The following SMYD3 variants were observed in gnomAD, a reference collection of about 807,000 sequenced individuals.
The protein encoded by SMYD3 is histone-lysine N-methyltransferase SMYD3.
SMYD3 carries 36 observed loss-of-function variants against 57.7 expected under a neutral mutation model. The ratio of observed to expected loss-of-function variants is 0.62; its 90% CI spans 0.48 to 0.82. SMYD3 has a LOEUF of 0.82. Among genes scored for constraint, SMYD3 ranks in the 40% least tolerant of loss-of-function variants. SMYD3 has a pLI of 0.00. For synonymous variants in SMYD3, 211 were observed against 195.0 expected (o/e 1.08, Z -0.68); for missense variants, 515 against 538.8 (o/e 0.96, Z 0.44).
chr1:246,130,986 CA>C (rs1476581705), intron 5 of SMYD3, among the ~76,000 whole-genome samples: 2 of 152,178 alleles, frequency 1.3e-5, no homozygotes, highest in Non-Finnish European at 2.9e-5. Flanking sequence ...ACACTACACA[CA>C]CTCTATGCTC....
intron 1 of SMYD3, among the ~76,000 whole-genome samples, chr1:246,360,655 G>A (rs191755919): frequency 6.6e-6 from 1 of 152,228 alleles, no homozygotes; most frequent in Admixed American, 6.5e-5. Context: ...AATACTGACA[G>A]CTAACTGATC....
At chr1:245,995,203 AT>A (rs1490868446) in intron 5 of SMYD3, among the ~76,000 whole-genome samples, 1 of 152,254 alleles carries the variant, frequency 6.6e-6, no homozygotes, top group Non-Finnish European at 1.5e-5. Flanking sequence ...ACAAATTGTC[AT>A]GCTTGTTAAA....
At chr1:246,165,074 C>T (rs370798428) in intron 5 of SMYD3, among the ~76,000 whole-genome samples, 3 of 152,100 alleles carry the variant, frequency 2.0e-5, no homozygotes, top group East Asian at 3.9e-4. Flanking sequence ...ATGGTGTCAC[C>T]GAAGCCCAGG....
In SMYD3 at chr1:246,355,061, G is replaced by C. The variant is rs150745026; in HGVS notation, c.198C>G (p.Arg66=). The C allele has an allele frequency of 1.2e-6, 2 of 1,614,000 alleles. No individual in the cohort carries two copies. Among genetic ancestry groups the C allele is most frequent in the Non-Finnish European group, 1.7e-6 (2 of 1,180,030 alleles). ...KEKLMRCSQC[R]VAKYCSAKCQ... ...ACTTAGCACTACAGTATTTGGCGACGCGGCACTGAGAGCATCGCATCAGCT... is the reference window on the plus strand; with the variant it reads ...ACTTAGCACTACAGTATTTGGCGACCCGGCACTGAGAGCATCGCATCAGCT... Residue 66 remains arginine, a synonymous_variant, in exon 2 of 12, where the codon CGC becomes CGG. Coordinates refer to ENST00000490107, the MANE Select transcript of SMYD3 (RefSeq NM_001167740.2). The surrounding 1 kb of genome is among the most constrained non-coding windows in gnomAD (Gnocchi z 5.0).
intron 2 of SMYD3, among the ~76,000 whole-genome samples, chr1:246,335,803 A>T (rs189669081): frequency 3.1e-3 from 468 of 152,314 alleles, no homozygotes; most frequent in African/African-American, 0.01. Context: ...CTGATTAAAC[A>T]GGATTCAACA....
At chr1:245,791,252 T>C (rs1243341544) in intron 10 of SMYD3, among the ~76,000 whole-genome samples, 1 of 152,064 alleles carries the variant, frequency 6.6e-6, no homozygotes, top group Non-Finnish European at 1.5e-5. Flanking sequence ...ATAAAATCAG[T>C]TGGGGGAAAG....
chr1:245,814,870 A>G (rs374183110), intron 10 of SMYD3, among the ~76,000 whole-genome samples: 2 of 149,666 alleles, frequency 1.3e-5, no homozygotes, highest in Non-Finnish European at 2.9e-5. Context: ...AAGCACACAC[A>G]CACGCACGCA....
intron 1 of SMYD3, among the ~76,000 whole-genome samples, chr1:246,420,135 G>A (rs918402894): frequency 3.3e-5 from 5 of 151,848 alleles, no homozygotes; most frequent in African/African-American, 1.2e-4. Context: ...GGAGGTGGAG[G>A]TTGCAGTGAG....
At chr1:246,156,039 A>G (rs75367499) in intron 5 of SMYD3, among the ~76,000 whole-genome samples, 8,819 of 151,914 alleles carry the variant, frequency 0.058, 544 homozygotes, top group East Asian at 0.22. Flanking sequence ...CTTGAGCTAC[A>G]GAGTTCGAAG....
intron 5 of SMYD3, among the ~76,000 whole-genome samples, chr1:246,287,718 G>A (rs1022074905): frequency 2.0e-5 from 3 of 152,078 alleles, no homozygotes; most frequent in African/African-American, 4.8e-5. Context: ...ATCTGCCTAC[G>A]GGATATTCAG....
At chr1:245,920,402 T>G (rs1245461760) in intron 7 of SMYD3, among the ~76,000 whole-genome samples, 1 of 152,066 alleles carries the variant, frequency 6.6e-6, no homozygotes, top group East Asian at 1.9e-4. Flanking sequence ...GTTATGAATG[T>G]TTCTGTTAAT....
At chr1:245,958,586 C>T (rs1011828528) in intron 5 of SMYD3, among the ~76,000 whole-genome samples, 1 of 152,182 alleles carries the variant, frequency 6.6e-6, no homozygotes, top group Non-Finnish European at 1.5e-5. Flanking sequence ...TTAGGTTCTC[C>T]TCCTCCGTAG....
chr1:245,972,697 G>A (rs1197286244), intron 5 of SMYD3, among the ~76,000 whole-genome samples: 1 of 152,200 alleles, frequency 6.6e-6, no homozygotes, highest in Non-Finnish European at 1.5e-5. Flanking sequence ...ACTGCTTCTG[G>A]AGCTAAGCCT....
rs558841002 is a variant in SMYD3, at chr1:246,258,171, G to A, written c.531+69030C>T. Among the ~76,000 whole-genome samples the A allele has an allele frequency of 1.4e-4, 21 of 152,134 alleles. 2 individuals carry two copies. Among genetic ancestry groups the A allele is most frequent in the African/African-American group, 5.1e-4 (21 of 41,486 alleles). On this transcript the variant is annotated intron_variant, in intron 5 of 11. Transcript: ENST00000490107. ...CCTGCCTCAGCCTCCCGAGTAGCTG[G>A]GATTACAGGTGTGCACCACCACGCC...
intron 1 of SMYD3, among the ~76,000 whole-genome samples, chr1:246,439,757 G>A (rs952641983): frequency 3.3e-5 from 5 of 152,182 alleles, no homozygotes; most frequent in South Asian, 2.1e-4. Context: ...AGACCAGCCC[G>A]TGCAACGTGG....
intron 5 of SMYD3, among the ~76,000 whole-genome samples, chr1:245,963,190 T>C (rs1257501122): frequency 6.6e-6 from 1 of 152,186 alleles, no homozygotes; most frequent in Non-Finnish European, 1.5e-5. Context: ...TATATTAGCT[T>C]AATTTAATTA....
intron 1 of SMYD3, among the ~76,000 whole-genome samples, chr1:246,459,397 G>A (rs182118887): frequency 1.4e-4 from 21 of 150,384 alleles, no homozygotes; most frequent in African/African-American, 5.1e-4. Context: ...CTGTTCTCCT[G>A]ACAGAGTTCT....
chr1:246,227,084 C>A (rs1247653427), intron 5 of SMYD3, among the ~76,000 whole-genome samples: 1 of 152,148 alleles, frequency 6.6e-6, no homozygotes, highest in Non-Finnish European at 1.5e-5. Flanking sequence ...AGTCTTAGAT[C>A]ATGAAGAATA....
chr1:246,384,474 C>T (rs1045962684), intron 1 of SMYD3, among the ~76,000 whole-genome samples: 1 of 152,012 alleles, frequency 6.6e-6, no homozygotes, highest in Non-Finnish European at 1.5e-5. Flanking sequence ...CGGCTCACTG[C>T]AACCTCCGCC....
Sources: gnomAD v4.1 joint callset for allele counts (sites outside exome capture counted in the v4.1 genomes callset) on GRCh38, gnomAD v4.1.1 for gene constraint, Gnocchi (gnomAD v3.1) non-coding constraint, MANE v1.5 for transcripts, NCBI Gene and HGNC (gene_info 2026-07-23, HGNC 2026-07-21) for gene names.